BCLAF1: variants seen among roughly 807,000 people sequenced by gnomAD.
The protein encoded by BCLAF1 is bcl-2-associated transcription factor 1.
Under a neutral mutation model 99.5 loss-of-function variants are expected in BCLAF1, and 10 were observed. The ratio of observed to expected loss-of-function variants is 0.10; its 90% confidence interval spans 0.06 to 0.17. The LOEUF is 0.17. Ranked by LOEUF, BCLAF1 falls within the 10% of genes least tolerant of loss-of-function variation. BCLAF1 has a pLI of 1.00. For missense variants in BCLAF1, 636 were observed against 1,105.8 expected (o/e 0.58, Z 6.02); for synonymous variants, 255 against 370.9 (o/e 0.69, Z 3.59).
rs992071649 is a variant in BCLAF1, at chr6:136,257,780, C to T, written c.*3330G>A. ...TTCAACTCTGTAAATTGAGAAAGGC[C>T]TCTGAACTTCTCTTTCTGGATGTGA... is the stretch of plus-strand genomic sequence containing the variant. On this transcript the variant is annotated 3_prime_UTR_variant, in exon 13 of 13. Coordinates refer to ENST00000531224, the MANE Select transcript of BCLAF1 (RefSeq NM_014739.3). The T allele has an allele frequency of 1.3e-5, 2 of 152,044 alleles. No individual in the cohort carries two copies. The highest frequency in any genetic ancestry group is 4.8e-5 in the African/African-American group (2 of 41,422). The allele number at this position is 152,044 out of a possible 1,614,324, so 9.4% of individuals were successfully genotyped here.
intron 8 of BCLAF1, chr6:136,269,906 G>A (rs1782274938): frequency 4.5e-6 from 1 of 223,976 alleles, no homozygotes; most frequent in Admixed American, 5.4e-5. Flanking sequence ...TTTTTGTACA[G>A]TAAATGATAC....
chr6:136,269,368 C>A, intron 9 of BCLAF1, 69 bp downstream of exon 9: 1 of 1,578,020 alleles, frequency 6.3e-7, no homozygotes. Flanking sequence ...AAATTGAAAG[C>A]AATTAAGCTG....
At chr6:136,263,569 A>G (rs1781310486) in intron 11 of BCLAF1, among the ~76,000 whole-genome samples, 1 of 152,224 alleles carries the variant, frequency 6.6e-6, no homozygotes, top group Admixed American at 6.5e-5. Flanking sequence ...CAGAAGTTAG[A>G]TATTTATACA....
chr6:136,274,635 C>T (rs1783004072), intron 6 of BCLAF1, among the ~76,000 whole-genome samples: 2 of 151,842 alleles, frequency 1.3e-5, no homozygotes, highest in African/African-American at 4.8e-5. Flanking sequence ...TCATGTCAAA[C>T]GACAGATTTT....
rs775416177 is a variant in BCLAF1 at position 136,273,183 on chromosome 6, T to C, written c.1857A>G (p.Gln619=). Residue 619 remains glutamine, a synonymous_variant, in exon 7 of 13, where the codon CAA becomes CAG. Coordinates refer to ENST00000531224, the MANE Select transcript of BCLAF1 (RefSeq NM_014739.3). ...IVSLVHHVKE[Q]YFKSAAMTLN... ...GGGTCATTGCAGCTGACTTGAAGTATTGCTCTGTTGATTTAGAAGAAATAC... is the reference window on the plus strand; with the variant it reads ...GGGTCATTGCAGCTGACTTGAAGTACTGCTCTGTTGATTTAGAAGAAATAC... The C allele has an allele frequency of 2.4e-5, 38 of 1,610,684 alleles. No homozygotes were observed. Among genetic ancestry groups the C allele is most frequent in the South Asian group, 4.4e-5 (4 of 90,826 alleles).
At chr6:136,261,654 T>C (rs1363683102) in intron 11 of BCLAF1, among the ~76,000 whole-genome samples, 177 bp from the exon 12 acceptor site, 1 of 152,090 alleles carries the variant, frequency 6.6e-6, no homozygotes, top group Non-Finnish European at 1.5e-5. Flanking sequence ...ATACATTCCA[T>C]CATCAAGAGA....
At position 136,285,429 on chromosome 6, in the gene BCLAF1, C is replaced by T. The variant is rs116976124; in HGVS notation, c.-114-2742G>A. ...ATGTGTTTGCCGTTTTTCGTGCCCA[C>T]AGTCGGAGTGTAAATGGTTAATCCA... On this transcript the variant is annotated intron_variant, in intron 1 of 12. Transcript: ENST00000531224. Among the ~76,000 whole-genome samples, 77 of 152,294 alleles carry T rather than the reference C, an allele frequency of 5.1e-4. 1 individual carries two copies. In the East Asian group the frequency reaches 0.012, roughly 24 times the overall value.
At position 136,258,034 on chromosome 6, in the gene BCLAF1, A is replaced by T. The variant is rs1248301329; in HGVS notation, c.*3076T>A. On this transcript the variant is annotated 3_prime_UTR_variant, in exon 13 of 13. Transcript: ENST00000531224. ...ATGTACACACAGAGTTATTTCTCTC[A>T]CAGAATTTTTAAGGACTAATTTGCC... 6.6e-6 allele frequency: 1 copy of T among 152,162 alleles called. No homozygotes were observed. The highest frequency in any genetic ancestry group is 2.4e-5 in the African/African-American group (1 of 41,464). The allele number at this position is 152,162 out of a possible 1,614,324, so 9.4% of individuals were successfully genotyped here.
At position 136,261,185 on chromosome 6, in the gene BCLAF1, T is replaced by G; in HGVS notation, c.2758-70A>C. The G allele has an allele frequency of 3.8e-6, 6 of 1,559,052 alleles. No individual in the cohort carries two copies. The South Asian group carries it at 5.9e-5, about 15-fold the overall frequency. On this transcript the variant is annotated intron_variant, in intron 12 of 12. Transcript: ENST00000531224. ...AGTGAAAAGGAACCATATTAATAAT[T>G]GTTCCTAAAAATGAAATAATTCACC...
At chr6:136,288,749 A>C (rs1785511791) in intron 1 of BCLAF1, among the ~76,000 whole-genome samples, 1 of 152,218 alleles carries the variant, frequency 6.6e-6, no homozygotes, top group African/African-American at 2.4e-5. Context: ...AAGCGAATCA[A>C]GCCAACTCAT....
intron 9 of BCLAF1, among the ~76,000 whole-genome samples, chr6:136,268,892 TATG>T (rs898662330): frequency 2.0e-5 from 3 of 151,962 alleles, no homozygotes; most frequent in African/African-American, 7.2e-5. Flanking sequence ...TATTTGACTC[TATG>T]ATGATCAAAT....
In BCLAF1 at chr6:136,258,430, AAAC is replaced by A. The variant is rs1199541155; in HGVS notation, c.*2677_*2679del. 377 of 152,232 alleles carry A rather than the reference AAAC, an allele frequency of 2.5e-3. No individual in the cohort carries two copies. Among genetic ancestry groups the A allele is most frequent in the African/African-American group, 8.8e-3 (366 of 41,442 alleles). The allele number at this position is 152,232 out of a possible 1,614,324, so 9.4% of individuals were successfully genotyped here. On this transcript the variant is annotated 3_prime_UTR_variant, in exon 13 of 13. Coordinates refer to ENST00000531224, the MANE Select transcript of BCLAF1 (RefSeq NM_014739.3). ...CAAAAACAAAAACAAAAACAAGACA[AAAC>A]AAAAAAACAGTAAAGAAAGGTTTGA...
chr6:136,277,817 A>G, intron 4 of BCLAF1, 48 bp downstream of exon 4: 1 of 1,544,906 alleles, frequency 6.5e-7, no homozygotes, highest in Non-Finnish European at 8.7e-7. Flanking sequence ...ACAGAATTCA[A>G]AGAACAAAAA....
At chr6:136,279,088 A>G (rs1370651547) in intron 3 of BCLAF1, among the ~76,000 whole-genome samples, 1 of 151,890 alleles carries the variant, frequency 6.6e-6, no homozygotes, top group Non-Finnish European at 1.5e-5. Context: ...CCTCTAGGCA[A>G]GCACTTAAAT....
intron 2 of BCLAF1, among the ~76,000 whole-genome samples, chr6:136,282,160 C>T (rs986809378): frequency 6.6e-6 from 1 of 151,998 alleles, no homozygotes; most frequent in African/African-American, 2.4e-5. Flanking sequence ...ACCTACTTCA[C>T]AGACTTGTAG....
At chr6:136,261,545 A>T (rs1447540932) in intron 11 of BCLAF1, 68 bp from the exon 12 acceptor site, 5 of 1,464,214 alleles carry the variant, frequency 3.4e-6, no homozygotes, top group Non-Finnish European at 4.7e-6. Flanking sequence ...CTCCAATCAT[A>T]AATCACAGTA....
At chr6:136,268,078 C>T (rs750863466) in intron 10 of BCLAF1, 84 bp downstream of exon 10, 101 of 1,242,662 alleles carry the variant, frequency 8.1e-5, no homozygotes, top group Non-Finnish European at 1.0e-4. Flanking sequence ...ATAACAATCT[C>T]TAAATCATGT....
intron 1 of BCLAF1, among the ~76,000 whole-genome samples, chr6:136,285,146 T>C (rs1430956365): frequency 6.6e-6 from 1 of 152,156 alleles, no homozygotes; most frequent in East Asian, 1.9e-4. Context: ...TTTACTCGGT[T>C]GAGAAACCCT....
chr6:136,268,928 C>T (rs368667233), intron 9 of BCLAF1, among the ~76,000 whole-genome samples: 2 of 151,782 alleles, frequency 1.3e-5, no homozygotes, highest in Admixed American at 6.6e-5. Context: ...ATGCAACACC[C>T]GAAAAGGTCA....
Sources: gnomAD v4.1 joint callset for allele counts (sites outside exome capture counted in the v4.1 genomes callset) on GRCh38, gnomAD v4.1.1 for gene constraint, MANE v1.5 for transcripts, NCBI Gene and HGNC (gene_info 2026-07-23, HGNC 2026-07-21) for gene names.